Variants in TDRD9 observed in about 807,000 individuals in gnomAD.
TDRD9 encodes tudor domain containing 9.
Under a neutral mutation model 172.6 loss-of-function variants are expected in TDRD9, and 124 were observed. The ratio of observed to expected loss-of-function variants is 0.72; its 90% confidence interval spans 0.62 to 0.83. TDRD9 has a LOEUF of 0.83. Among genes scored for constraint, TDRD9 ranks in the 40% least tolerant of loss-of-function variants. The pLI, the probability that TDRD9 is intolerant of heterozygous loss-of-function variation, is 0.00. For synonymous variants in TDRD9, 619 were observed against 617.1 expected, an observed-to-expected ratio of 1.00 and a Z score of -0.05; for missense variants, 1,479 against 1,714.1, an observed-to-expected ratio of 0.86 and a Z score of 2.42.
At chr14:103,978,698 C>T (rs1471011861) in intron 7 of TDRD9, among the ~76,000 whole-genome samples, 1 of 152,170 alleles carries the variant, frequency 6.6e-6, no homozygotes. Flanking sequence ...AGGAAGACCA[C>T]AGGCTGAGGT....
Position 103,993,645 on chromosome 14 carries a change from ACTCCTGT to A in TDRD9, c.1181-683_1181-677del, listed in dbSNP as rs2033954673. Among the ~76,000 whole-genome samples the A allele has an allele frequency of 2.0e-5, 3 of 151,442 alleles. No homozygotes were observed. In the South Asian group the frequency reaches 6.3e-4, roughly 32 times the overall value. ...GTGCTCCTTGACCTGTGGCTACATC[ACTCCTGT>A]CTCTGTTGTCACATGGCATTCTCTG... On this transcript the variant is annotated intron_variant, in intron 9 of 35. Transcript: ENST00000409874.
At chr14:103,929,610 C>T (rs1030410243) in intron 1 of TDRD9, among the ~76,000 whole-genome samples, 1 of 151,930 alleles carries the variant, frequency 6.6e-6, no homozygotes, top group Non-Finnish European at 1.5e-5. Context: ...ATCTCCCCCT[C>T]CTAGGTTCAA....
intron 6 of TDRD9, among the ~76,000 whole-genome samples, chr14:103,973,201 T>G (rs970005811): frequency 1.4e-4 from 22 of 152,356 alleles, no homozygotes; most frequent in Non-Finnish European, 3.2e-4. Flanking sequence ...TAGAAACTTA[T>G]ATGGTACATG....
At chr14:104,007,606 A>G (rs1297481947) in intron 19 of TDRD9, among the ~76,000 whole-genome samples, 2 of 151,350 alleles carry the variant, frequency 1.3e-5, no homozygotes, top group Non-Finnish European at 2.9e-5. Context: ...AACGGGCTTA[A>G]AAGAAATGTA....
intron 20 of TDRD9, among the ~76,000 whole-genome samples, chr14:104,010,397 G>A (rs2034576336): frequency 6.6e-6 from 1 of 152,130 alleles, no homozygotes; most frequent in African/African-American, 2.4e-5. Flanking sequence ...CGTACACAGA[G>A]TCAGGATCAT....
chr14:103,958,784 C>T (rs2032366633), intron 2 of TDRD9, among the ~76,000 whole-genome samples: 1 of 152,142 alleles, frequency 6.6e-6, no homozygotes, highest in Non-Finnish European at 1.5e-5. Flanking sequence ...CCTCTGCTTC[C>T]AGAACTGTAA....
chr14:104,031,085 AC>A, intron 28 of TDRD9, 22 bp from the exon 29 acceptor site: 1 of 1,539,480 alleles, frequency 6.5e-7, no homozygotes, highest in Non-Finnish European at 8.7e-7. Context: ...TTTTAACAAA[AC>A]AAACTTTTCT....
chr14:103,939,759 T>TTTTG (rs2031098089), intron 1 of TDRD9: 1 of 126,088 alleles, frequency 7.9e-6, no homozygotes, highest in Non-Finnish European at 1.7e-5. Flanking sequence ...TTTTTTTTTT[T>TTTTG]TTTTTGAGAC....
chr14:103,981,630 A>G (rs1371398310), intron 7 of TDRD9, among the ~76,000 whole-genome samples: 2 of 152,204 alleles, frequency 1.3e-5, no homozygotes, highest in Non-Finnish European at 2.9e-5. Flanking sequence ...AGTTGAAATC[A>G]TTAAGTTGAA....
chr14:104,047,655 G>A (rs1284869403), intron 34 of TDRD9, among the ~76,000 whole-genome samples: 1 of 152,168 alleles, frequency 6.6e-6, no homozygotes, highest in East Asian at 1.9e-4. Flanking sequence ...GTGCTGACAC[G>A]GTCGATACGG....
chr14:103,995,487 A>G (rs2034025598), intron 11 of TDRD9, among the ~76,000 whole-genome samples: 1 of 152,190 alleles, frequency 6.6e-6, no homozygotes, highest in Non-Finnish European at 1.5e-5. Flanking sequence ...TTACCACACC[A>G]GAAGTCAGGA....
intron 9 of TDRD9, among the ~76,000 whole-genome samples, chr14:103,993,947 G>GT (rs1360083409): frequency 1.3e-5 from 2 of 152,184 alleles, no homozygotes; most frequent in Non-Finnish European, 2.9e-5. Context: ...GATGGAAATG[G>GT]TTTAGCACAT....
intron 1 of TDRD9, among the ~76,000 whole-genome samples, chr14:103,948,479 A>G (rs1339675710): frequency 1.3e-5 from 2 of 152,154 alleles, no homozygotes; most frequent in African/African-American, 4.8e-5. Context: ...TGATCCAGCA[A>G]TTTCACTTTT....
chr14:103,951,943 T>C (rs989655629), intron 1 of TDRD9, among the ~76,000 whole-genome samples: 3 of 151,150 alleles, frequency 2.0e-5, no homozygotes, highest in Non-Finnish European at 3.0e-5. Context: ...ATTTTTTTTG[T>C]ATTTTTAGTA....
chr14:104,032,061 T>A lies in TDRD9; in HGVS notation c.3483T>A (p.His1161Gln). Residue 1161 changes from histidine (H) to glutamine (Q), a missense_variant, in exon 30 of 36, where the codon CAT becomes CAA. Transcript: ENST00000409874. ...TTAACCCTTATGAACTAAAGTGCCA[T>A]AGTTTGACCAGAATATCCAAATTCA... The part of the protein sequence containing the change: ...GPFNPYELKC[H>Q]SLTRISKFRC... The A allele has an allele frequency of 6.5e-7, 1 of 1,547,978 alleles. No homozygotes were observed. Among genetic ancestry groups the A allele is most frequent in the Non-Finnish European group, 8.7e-7 (1 of 1,146,042 alleles).
chr14:104,022,269 T>C lies in TDRD9; in HGVS notation c.2545T>C (p.Ser849Pro). 2 of 1,613,698 alleles carry C rather than the reference T, an allele frequency of 1.2e-6. No homozygotes were observed. Among genetic ancestry groups the C allele is most frequent in the Non-Finnish European group, 1.7e-6 (2 of 1,179,786 alleles). Residue 849 changes from serine to proline, a missense_variant, in exon 24 of 36, where the codon TCT becomes CCT. Transcript: ENST00000409874. The stretch of plus-strand genomic sequence containing the variant: ...AGTTTCACTTGAACTCAGCGTTCAT[T>C]CTGCAGAGGAAATTGAAGGGAAGGT... Reference protein sequence around the residue: ...LKVSLELSVHSAEEIEGKVQG... With the variant: ...LKVSLELSVHPAEEIEGKVQG...
At chr14:103,983,343 A>G (rs1595945654) in intron 7 of TDRD9, among the ~76,000 whole-genome samples, 1 of 152,174 alleles carries the variant, frequency 6.6e-6, no homozygotes, top group Admixed American at 6.5e-5. Flanking sequence ...GATTACAGGC[A>G]TGAGCCACCG....
At chr14:103,941,799 G>C in intron 1 of TDRD9, 1 of 866,110 alleles carries the variant, frequency 1.2e-6, no homozygotes, top group Non-Finnish European at 1.7e-6. Context: ...AAAAGTGCAC[G>C]ATTTTTTTTC....
intron 23 of TDRD9, among the ~76,000 whole-genome samples, chr14:104,021,285 C>T (rs2034946629): frequency 1.3e-5 from 2 of 152,152 alleles, no homozygotes; most frequent in South Asian, 4.2e-4. Context: ...CCAGGCCCCT[C>T]CTCCAATATT....
Sources: gnomAD v4.1 joint callset for allele counts (sites outside exome capture counted in the v4.1 genomes callset) on GRCh38, gnomAD v4.1.1 for gene constraint, MANE v1.5 for transcripts, NCBI Gene and HGNC (gene_info 2026-07-23, HGNC 2026-07-21) for gene names.